RBMX: variants seen among roughly 807,000 people sequenced by gnomAD.
RBMX encodes the protein RNA binding motif protein X-linked.
RBMX carries 1 observed loss-of-function variant against 29.3 expected under a neutral mutation model. The ratio of observed to expected loss-of-function variants is 0.03; its 90% CI spans 0.01 to 0.16. The LOEUF is 0.16. Ranked by LOEUF, RBMX falls within the 10% of genes least tolerant of loss-of-function variation. RBMX has a pLI of 1.00. For synonymous variants in RBMX, 102 were observed against 102.3 expected (o/e 1.00, Z 0.02); for missense variants, 121 against 333.2 (o/e 0.36, Z 4.96).
At chrX:136,872,414 C>T, downstream of RBMX, 1 of 937,232 alleles carries the variant, frequency 1.1e-6, no homozygotes, top group East Asian at 3.4e-5. Context: ...TTGCCTATTA[C>T]TGCCCTCTTT....
At chrX:136,875,637 C>A (rs373117025) in intron 5 of RBMX, 52 bp from the exon 6 acceptor site, 2 of 1,173,201 alleles carry the variant, frequency 1.7e-6, no homozygotes, top group East Asian at 3.0e-5. Flanking sequence ...AAAGTTAAAA[C>A]GTGAACTTAC....
chrX:136,872,476 T>C, downstream of RBMX: 2 of 566,399 alleles, frequency 3.5e-6, no homozygotes, highest in Non-Finnish European at 5.8e-6. Flanking sequence ...TTTCATGTTC[T>C]ACTATTTGTC....
At chrX:136,878,681 G>A (rs892493570) in intron 3 of RBMX, among the ~76,000 whole-genome samples, 3 of 71,979 alleles carry the variant, frequency 4.2e-5, no homozygotes, top group Non-Finnish European at 7.7e-5. Context: ...CTTAGAACTC[G>A]GGAGACAGGC....
In RBMX at chrX:136,876,705, A is replaced by T. The variant is rs561722222; in HGVS notation, c.389-50T>A. 6.7e-4 allele frequency: 699 copies of T among 1,047,073 alleles called. 8 individuals are homozygous for T. The South Asian group carries it at 0.016, about 23-fold the overall frequency. 86.3% of individuals were successfully genotyped at this position (1,047,073 alleles called of 1,213,427 possible). On this transcript the variant is annotated intron_variant, in intron 4 of 8. Transcript: ENST00000320676. The stretch of plus-strand genomic sequence containing the variant: ...ATATTACTACTCACAAGAATCAAGA[A>T]AGATATAAAAGTTTTTTTTTTTTTT...
downstream of RBMX, chrX:136,869,268 T>C (rs757165915): frequency 8.9e-6 from 1 of 112,785 alleles, no homozygotes; most frequent in South Asian, 3.6e-4. Context: ...ACCCAAGTTC[T>C]ATGTTCAACT....
chrX:136,879,004 T>TA lies in RBMX; in HGVS notation c.216+12dup. 1 of 1,209,371 alleles carries TA rather than the reference T, an allele frequency of 8.3e-7. No individual in the cohort carries two copies. The highest frequency in any genetic ancestry group is 1.7e-5 in the African/African-American group (1 of 57,773). The stretch of plus-strand genomic sequence containing the variant: ...TAGTAACAGGTTATCATCCATCGTG[T>TA]AGACAATCTCACCTTTCCATTCATG... On this transcript the variant is annotated intron_variant, in intron 3 of 8. Transcript: ENST00000320676.
chrX:136,879,581 A>G, intron 1 of RBMX, 128 bp from the exon 2 acceptor site: 1 of 587,282 alleles, frequency 1.7e-6, no homozygotes, highest in East Asian at 3.6e-5. Context: ...GAAAACGATA[A>G]CGAGCTAAGC....
downstream of RBMX, chrX:136,872,356 T>TA (rs1375421993): frequency 2.6e-6 from 3 of 1,157,299 alleles, no homozygotes; most frequent in African/African-American, 3.6e-5. Flanking sequence ...CTGCAAAAGT[T>TA]AAATAAATGA....
intron 3 of RBMX, among the ~76,000 whole-genome samples, chrX:136,878,607 T>A (rs1301931598): frequency 1.0e-4 from 7 of 68,401 alleles, no homozygotes; most frequent in African/African-American, 3.7e-4. Flanking sequence ...TAGCCGGGCG[T>A]GGTCGCGCAT....
At chrX:136,874,942 T>A in intron 8 of RBMX, 144 bp downstream of exon 8, 1 of 1,043,197 alleles carries the variant, frequency 9.6e-7, no homozygotes, top group Non-Finnish European at 1.2e-6. Flanking sequence ...CTCACAAAAC[T>A]AGGAAAAGCC....
At position 136,874,044 on chromosome X, in the gene RBMX, C is replaced by T. The variant is rs139624340; in HGVS notation, c.*98G>A. 313 of 1,118,908 alleles carry T rather than the reference C, an allele frequency of 2.8e-4. No homozygotes were observed. In the African/African-American group the frequency reaches 4.5e-3, roughly 16 times the overall value. 92.2% of individuals were successfully genotyped at this position (1,118,908 alleles called of 1,213,427 possible). On this transcript the variant is annotated 3_prime_UTR_variant, in exon 9 of 9. Coordinates refer to ENST00000320676, the MANE Select transcript of RBMX (RefSeq NM_002139.4). The stretch of plus-strand genomic sequence containing the variant: ...AACAGGGAATTTAAAAAAAGTAACA[C>T]AATTTTTCCTTTTAGTAGTCCTTGG...
downstream of RBMX, among the ~76,000 whole-genome samples, chrX:136,871,285 C>CA (rs535757703): frequency 7.5e-3 from 802 of 106,910 alleles, 3 homozygotes; most frequent in East Asian, 0.052. Context: ...ACTAAAAATA[C>CA]AAAAAATCAG....
At chrX:136,871,995 G>A (rs948961039), downstream of RBMX, among the ~76,000 whole-genome samples, 5 of 110,871 alleles carry the variant, frequency 4.5e-5, no homozygotes, top group Non-Finnish European at 7.5e-5. Flanking sequence ...GAGAATGCTT[G>A]CATATGAAGA....
At chrX:136,871,480 A>G (rs2077684169), downstream of RBMX, among the ~76,000 whole-genome samples, 1 of 109,455 alleles carries the variant, frequency 9.1e-6, no homozygotes, top group South Asian at 3.9e-4. Flanking sequence ...GAAATTACAT[A>G]CTATGTCGTC....
At chrX:136,872,392 TTC>T (rs764446715), downstream of RBMX, 6,980 of 1,105,194 alleles carry the variant, frequency 6.3e-3, 17 homozygotes, top group Non-Finnish European at 7.3e-3. Context: ...CTTAAGGAAA[TTC>T]TTTTAAAACT....
At chrX:136,878,745 CAAAAA>C (rs749152530) in intron 3 of RBMX, among the ~76,000 whole-genome samples, 6 of 37,089 alleles carry the variant, frequency 1.6e-4, no homozygotes, top group South Asian at 1.7e-3. Context: ...GGGAGACTAT[CAAAAA>C]AAAAAAAAAA....
downstream of RBMX, chrX:136,870,121 T>TA (rs1445775689): frequency 8.9e-6 from 1 of 112,820 alleles, no homozygotes; most frequent in Non-Finnish European, 1.9e-5. Context: ...TGACTTTAGC[T>TA]AAACAAAATG....
chrX:136,871,227 C>A (rs1234614417), downstream of RBMX, among the ~76,000 whole-genome samples: 1 of 109,253 alleles, frequency 9.2e-6, no homozygotes, highest in Non-Finnish European at 1.9e-5. Context: ...AGGCAGATCA[C>A]AAGGTCAGGA....
intron 4 of RBMX, among the ~76,000 whole-genome samples, 188 bp from the exon 5 acceptor site, chrX:136,876,843 G>C (rs781580849): frequency 9.5e-5 from 10 of 105,522 alleles, no homozygotes; most frequent in Non-Finnish European, 1.9e-4. Flanking sequence ...GAGTAGCTGG[G>C]ATTACAGGTG....
Sources: gnomAD v4.1 joint callset for allele counts (sites outside exome capture counted in the v4.1 genomes callset) on GRCh38, gnomAD v4.1.1 for gene constraint, MANE v1.5 for transcripts, NCBI Gene and HGNC (gene_info 2026-07-23, HGNC 2026-07-21) for gene names.